OSBPL5: variants seen among roughly 807,000 people sequenced by gnomAD.
OSBPL5 encodes oxysterol-binding protein-related protein 5.
OSBPL5 carries 71 observed loss-of-function variants against 111.2 expected under a neutral mutation model. That is an observed-to-expected ratio of 0.64 (90% CI 0.53 to 0.78). The LOEUF (loss-of-function observed/expected upper bound fraction) is 0.78, where lower values mean the gene tolerates loss of function less well. Among genes scored for constraint, OSBPL5 ranks in the 30% least tolerant of loss-of-function variants. The pLI, the probability that OSBPL5 is intolerant of heterozygous loss-of-function variation, is 0.00. For synonymous variants in OSBPL5, 549 were observed against 513.9 expected (o/e 1.07, Z -0.93); for missense variants, 1,210 against 1,189.3 (o/e 1.02, Z -0.26).
intron 7 of OSBPL5, among the ~76,000 whole-genome samples, chr11:3,111,461 A>C (rs1857926729): frequency 6.6e-6 from 1 of 152,182 alleles, no homozygotes; most frequent in African/African-American, 2.4e-5. Context: ...TAAGATTAAC[A>C]ACCAGCTGGT....
At chr11:3,129,751 G>A (rs1858762337) in intron 1 of OSBPL5, among the ~76,000 whole-genome samples, 1 of 152,224 alleles carries the variant, frequency 6.6e-6, no homozygotes, top group African/African-American at 2.4e-5. Context: ...AACAGTTTCA[G>A]TTGCACCCAC....
At position 3,154,454 on chromosome 11, in the gene OSBPL5, G is replaced by GT. The variant is rs1846691117; in HGVS notation, c.-22+10761_-22+10762insA. Among the ~76,000 whole-genome samples the GT allele has an allele frequency of 6.6e-6, 1 of 152,250 alleles. No homozygotes were observed. Among genetic ancestry groups the GT allele is most frequent in the African/African-American group, 2.4e-5 (1 of 41,470 alleles). ...TGACGCTTCGTTCACCAAGCGGGGG[G>GT]CCTCTACAGCTCGCCCAGGTTCCAG... On this transcript the variant is annotated intron_variant, in intron 1 of 21. Transcript: ENST00000263650. This position sits in a 1 kb window ranked among gnomAD's most constrained non-coding sequence, Gnocchi z 4.9.
Position 3,113,798 on chromosome 11 carries a change from T to C in OSBPL5, c.691+5749A>G, listed in dbSNP as rs189794697. ...TTTTGAGAAAGACTGTTATAGTCTT[T>C]GTTTCAGGTAAACTATAAACTAAGT... On this transcript the variant is annotated intron_variant, in intron 7 of 21. Transcript: ENST00000263650. The surrounding 1 kb of genome is among the most constrained non-coding windows in gnomAD (Gnocchi z 4.8). 7.2e-4 allele frequency among the ~76,000 whole-genome samples: 109 copies of C among 152,346 alleles called. 1 individual carries two copies. The highest frequency in any genetic ancestry group is 1.1e-3 in the Non-Finnish European group (77 of 68,026).
At chr11:3,125,825 A>C in intron 3 of OSBPL5, among the ~76,000 whole-genome samples, 2 of 114,126 alleles carry the variant, frequency 1.8e-5, no homozygotes, top group Admixed American at 8.8e-5. Flanking sequence ...AAAAAAAAAT[A>C]CAAAAAATTG....
rs1410191760 is a variant in OSBPL5 at position 3,107,221 on chromosome 11, G to A, written c.1059+42C>T. ...CTCTGCTTCCGGAACAAGGGGCCGAGGCAGGGGAGACGCTTGGGGCTCCTG... is the reference window on the plus strand; with the variant it reads ...CTCTGCTTCCGGAACAAGGGGCCGAAGCAGGGGAGACGCTTGGGGCTCCTG... On this transcript the variant is annotated intron_variant, in intron 9 of 21. Transcript: ENST00000263650. The surrounding 1 kb of genome is among the most constrained non-coding windows in gnomAD (Gnocchi z 6.1). 6.9e-6 allele frequency: 11 copies of A among 1,595,720 alleles called. No individual in the cohort carries two copies. The highest frequency in any genetic ancestry group is 1.1e-5 in the South Asian group (1 of 90,178).
intron 21 of OSBPL5, 95 bp downstream of exon 21, chr11:3,089,751 C>T (rs1364995985): frequency 1.2e-5 from 14 of 1,191,280 alleles, no homozygotes; most frequent in Middle Eastern, 2.4e-4. Flanking sequence ...ACCCCAGCCG[C>T]GGCCTCCTGG....
At chr11:3,145,004 CTGTAGCA>C (rs1846292207) in intron 1 of OSBPL5, among the ~76,000 whole-genome samples, 1 of 152,276 alleles carries the variant, frequency 6.6e-6, no homozygotes, top group Admixed American at 6.5e-5. Flanking sequence ...CAGGCAGCTT[CTGTAGCA>C]TCTAGCCCAG....
Position 3,113,463 on chromosome 11 carries a change from T to C in OSBPL5, c.692-5518A>G, listed in dbSNP as rs1158110799. 2.0e-5 allele frequency among the ~76,000 whole-genome samples: 3 copies of C among 152,096 alleles called. No homozygotes were observed. The highest frequency in any genetic ancestry group is 2.9e-5 in the Non-Finnish European group (2 of 68,016). On this transcript the variant is annotated intron_variant, in intron 7 of 21. Coordinates refer to ENST00000263650, the MANE Select transcript of OSBPL5 (RefSeq NM_020896.4). The surrounding 1 kb of genome is among the most constrained non-coding windows in gnomAD (Gnocchi z 4.8). ...CAAAGTCAGGAGTTCAAGACCAGTC[T>C]GGCCAACATAGTGAAACCCCATCTC...
In OSBPL5 at chr11:3,105,787, G is replaced by A. The variant is rs1025134462; in HGVS notation, c.1060-1410C>T. Among the ~76,000 whole-genome samples, 4 of 152,178 alleles carry A rather than the reference G, an allele frequency of 2.6e-5. No homozygotes were observed. The highest frequency in any genetic ancestry group is 2.1e-4 in the South Asian group (1 of 4,836). On this transcript the variant is annotated intron_variant, in intron 9 of 21. Transcript: ENST00000263650. The surrounding 1 kb of genome is among the most constrained non-coding windows in gnomAD (Gnocchi z 5.2). ...GCTGCCCGCTCCATGCCCTCTGCCC[G>A]GAGCCCCAGGCTCGCACCTGCAGCA...
chr11:3,128,612 C>T (rs1858716690), intron 2 of OSBPL5, among the ~76,000 whole-genome samples: 1 of 152,164 alleles, frequency 6.6e-6, no homozygotes, highest in Non-Finnish European at 1.5e-5. Context: ...AATATTGTCC[C>T]ATTTTATAGA....
At chr11:3,103,388 C>G (rs886211563) in intron 10 of OSBPL5, 68 bp from the exon 11 acceptor site, 2 of 1,418,514 alleles carry the variant, frequency 1.4e-6, no homozygotes, top group African/African-American at 2.8e-5. Flanking sequence ...TTTCCCTGAC[C>G]CTTCCCTCCT....
chr11:3,091,185 C>A (rs10766611), intron 19 of OSBPL5, among the ~76,000 whole-genome samples: 1 of 152,270 alleles, frequency 6.6e-6, no homozygotes, highest in East Asian at 1.9e-4. Flanking sequence ...TGCTCACAAC[C>A]CCAGGAGTGC....
At chr11:3,160,672 T>TCCCCCCCCCCCCCCCCCCCCCC (rs71035491) in intron 1 of OSBPL5, among the ~76,000 whole-genome samples, 2 of 122,440 alleles carry the variant, frequency 1.6e-5, no homozygotes, top group South Asian at 3.2e-4. Context: ...ATGACAACCC[T>TCCCCCCCCCCCCCCCCCCCCCC]CCCCCCCCCC....
In OSBPL5 at chr11:3,146,369, G is replaced by C. The variant is rs1040550037; in HGVS notation, c.-21-17200C>G. ...AGGGCAGACGAGGAGGGGAACTCAC[G>C]GGAAGGTAGGAAAGGGGTCTCGTTT... On this transcript the variant is annotated intron_variant, in intron 1 of 21. Transcript: ENST00000263650. This position sits in a 1 kb window ranked among gnomAD's most constrained non-coding sequence, Gnocchi z 7.8. 5 of 152,352 alleles carry C rather than the reference G, an allele frequency of 3.3e-5. No individual in the cohort carries two copies. Among genetic ancestry groups the C allele is most frequent in the African/African-American group, 1.2e-4 (5 of 41,428 alleles). 9.4% of individuals were successfully genotyped at this position (152,352 alleles called of 1,614,324 possible).
In OSBPL5 at chr11:3,121,354, G is replaced by A. The variant is rs1358452137; in HGVS notation, c.402+643C>T. On this transcript the variant is annotated intron_variant, in intron 5 of 21. Transcript: ENST00000263650. This position sits in a 1 kb window ranked among gnomAD's most constrained non-coding sequence, Gnocchi z 4.3. The stretch of plus-strand genomic sequence containing the variant: ...ATTACAGGTGTGAGCCACTGCACCC[G>A]GCCTGGCAGCTCTGTAAATTCTGAA... 2.6e-5 allele frequency among the ~76,000 whole-genome samples: 4 copies of A among 152,074 alleles called. No individual in the cohort carries two copies. Among genetic ancestry groups the A allele is most frequent in the South Asian group, 2.1e-4 (1 of 4,820 alleles).
rs1411485680 is a variant in OSBPL5 at position 3,141,422 on chromosome 11, C to T, written c.-21-12253G>A. 6.6e-6 allele frequency among the ~76,000 whole-genome samples: 1 copy of T among 152,104 alleles called. No individual in the cohort carries two copies. Among genetic ancestry groups the T allele is most frequent in the Non-Finnish European group, 1.5e-5 (1 of 68,012 alleles). On this transcript the variant is annotated intron_variant, in intron 1 of 21. Coordinates refer to ENST00000263650, the MANE Select transcript of OSBPL5 (RefSeq NM_020896.4). The surrounding 1 kb of genome is among the most constrained non-coding windows in gnomAD (Gnocchi z 6.5). ...TCCAGCCCCGAGGCCTCCTTGGTTC[C>T]CCTCAGAACAGAGCTTCCAGAAGGG... is the stretch of plus-strand genomic sequence containing the variant.
chr11:3,103,098 C>G, intron 11 of OSBPL5, 141 bp downstream of exon 11: 1 of 677,068 alleles, frequency 1.5e-6, no homozygotes, highest in Non-Finnish European at 2.4e-6. Context: ...GACCTGGGCC[C>G]TCTGTGGGGG....
chr11:3,157,240 C>A (rs1590736887), intron 1 of OSBPL5, among the ~76,000 whole-genome samples: 1 of 152,302 alleles, frequency 6.6e-6, no homozygotes, highest in East Asian at 1.9e-4. Context: ...AAAAAGTGGG[C>A]CTTGCGGGGC....
chr11:3,096,940 GA>G (rs1298089616), intron 14 of OSBPL5, among the ~76,000 whole-genome samples: 12 of 135,024 alleles, frequency 8.9e-5, no homozygotes, highest in African/African-American at 2.2e-4. Flanking sequence ...GGAGAGGAAA[GA>G]GGGAGGAGAT....
Sources: allele counts gnomAD v4.1 joint callset (sites outside exome capture counted in the v4.1 genomes callset), GRCh38; gene constraint gnomAD v4.1.1; non-coding constraint Gnocchi (gnomAD v3.1); transcripts MANE v1.5; gene names NCBI Gene and HGNC (gene_info 2026-07-23, HGNC 2026-07-21).